Variants in CHID1 observed in about 807,000 individuals in gnomAD.
CHID1 encodes chitinase domain-containing protein 1.
In CHID1, 44 loss-of-function variants were observed where a neutral mutation model predicts 55.4. The ratio of observed to expected loss-of-function variants is 0.79; its 90% CI spans 0.62 to 1.02. The LOEUF (loss-of-function observed/expected upper bound fraction) is 1.02, where lower values mean the gene tolerates loss of function less well. Ranked by LOEUF, CHID1 falls within the 50% of genes least tolerant of loss-of-function variation. CHID1 has a pLI of 0.00. For missense variants in CHID1, 491 were observed against 515.3 expected (o/e 0.95, Z 0.46); for synonymous variants, 216 against 212.9 (o/e 1.01, Z -0.13).
chr11:886,668 G>A (rs534163270), intron 8 of CHID1, among the ~76,000 whole-genome samples: 1 of 152,352 alleles, frequency 6.6e-6, no homozygotes, highest in East Asian at 1.9e-4. Context: ...GCAAAAAGGT[G>A]CCGACTGCAC....
At chr11:870,296 C>G in intron 11 of CHID1, 123 bp downstream of exon 11, 1 of 1,386,034 alleles carries the variant, frequency 7.2e-7, no homozygotes, top group Non-Finnish European at 1.0e-6. Flanking sequence ...GCTCCAGGGC[C>G]GGGAGCAGCA....
rs574373739 is a variant in CHID1 at position 884,233 on chromosome 11, C to T, written c.702-64G>A. 175 of 1,340,594 alleles carry T rather than the reference C, an allele frequency of 1.3e-4. 2 individuals carry two copies. In the South Asian group the frequency reaches 1.3e-3, roughly 10 times the overall value. The allele number at this position is 1,340,594 out of a possible 1,614,324, so 83.0% of individuals were successfully genotyped here. A position where few individuals can be genotyped will look rare whatever the true frequency, so the allele number is the denominator to read the frequency against. ...CCTGCCTGAAGCCCCTCCCCAGCTG[C>T]GGTTCGAGCAAGCTGCCTGTAGGGG... On this transcript the variant is annotated intron_variant, in intron 8 of 12. Transcript: ENST00000323578.
At position 910,783 on chromosome 11, in the gene CHID1, C is replaced by T. The variant is rs1183364683; in HGVS notation, c.-52G>A. 8.9e-6 allele frequency: 10 copies of T among 1,127,384 alleles called. No homozygotes were observed. The highest frequency in any genetic ancestry group is 1.8e-5 in the South Asian group (1 of 57,080). 69.8% of individuals were successfully genotyped at this position (1,127,384 alleles called of 1,614,324 possible). A position where few individuals can be genotyped will look rare whatever the true frequency, so the allele number is the denominator to read the frequency against. On this transcript the variant is annotated 5_prime_UTR_variant, in exon 1 of 13. Coordinates refer to ENST00000323578, the MANE Select transcript of CHID1 (RefSeq NM_023947.4). ...GCCGCCGCGGGGCTCACCTGCATGT[C>T]AGGGAGGCCGGACGGCCACAAACGC...
At position 905,331 on chromosome 11, in the gene CHID1, G is replaced by A. The variant is rs528420305; in HGVS notation, c.-43-472C>T. On this transcript the variant is annotated intron_variant, in intron 1 of 12. Transcript: ENST00000323578. ...AGGTGGGAAGATTACTTGAGCTCAG[G>A]AGTTCGAGACCAGCCTGAGCAACAT... is the stretch of plus-strand genomic sequence containing the variant. Among the ~76,000 whole-genome samples the A allele has an allele frequency of 2.0e-5, 3 of 152,346 alleles. No individual in the cohort carries two copies. The East Asian group carries it at 5.8e-4, about 29-fold the overall frequency.
intron 7 of CHID1, 146 bp downstream of exon 7, chr11:899,194 G>A: frequency 1.4e-6 from 1 of 732,220 alleles, no homozygotes; most frequent in East Asian, 2.7e-5. Flanking sequence ...CTGAGCAGGT[G>A]TCCATCTTTT....
At chr11:890,524 G>T (rs548310350) in intron 8 of CHID1, among the ~76,000 whole-genome samples, 1 of 152,358 alleles carries the variant, frequency 6.6e-6, no homozygotes, top group Non-Finnish European at 1.5e-5. Context: ...GGCCCAGGAA[G>T]GAAACCAGCC....
chr11:876,680 G>A (rs926223853), intron 10 of CHID1, among the ~76,000 whole-genome samples: 2 of 152,222 alleles, frequency 1.3e-5, no homozygotes, highest in Non-Finnish European at 2.9e-5. Flanking sequence ...AGGAGCCATG[G>A]CTGTGCAGCG....
chr11:900,575 T>A (rs1383949706), intron 5 of CHID1, among the ~76,000 whole-genome samples: 1 of 152,122 alleles, frequency 6.6e-6, no homozygotes, highest in African/African-American at 2.4e-5. Flanking sequence ...GGGGCACAGA[T>A]GGGCCAGGGT....
At chr11:906,544 CATG>C (rs1159264622) in intron 1 of CHID1, among the ~76,000 whole-genome samples, 3 of 152,076 alleles carry the variant, frequency 2.0e-5, no homozygotes, top group Admixed American at 6.6e-5. Flanking sequence ...ACGTTGAAAA[CATG>C]AGGATGTTCA....
At chr11:901,698 A>G (rs958409680) in intron 4 of CHID1, among the ~76,000 whole-genome samples, 41 of 152,216 alleles carry the variant, frequency 2.7e-4, no homozygotes, top group African/African-American at 9.9e-4. Context: ...CCGGAAGTGC[A>G]AGGGAAGGCC....
chr11:906,660 C>T (rs1444901955), intron 1 of CHID1, among the ~76,000 whole-genome samples: 2 of 152,164 alleles, frequency 1.3e-5, no homozygotes, highest in African/African-American at 4.8e-5. Flanking sequence ...ACAGTTCAGT[C>T]CCACAGAGAA....
At chr11:878,184 C>T (rs1233572483) in intron 10 of CHID1, among the ~76,000 whole-genome samples, 2 of 152,174 alleles carry the variant, frequency 1.3e-5, no homozygotes, top group Non-Finnish European at 2.9e-5. Flanking sequence ...GAAGCCGAGC[C>T]GGGTGGATCA....
intron 7 of CHID1, among the ~76,000 whole-genome samples, chr11:898,421 T>C (rs1851543198): frequency 6.6e-6 from 1 of 152,180 alleles, no homozygotes; most frequent in Non-Finnish European, 1.5e-5. Flanking sequence ...ACAGCTGCCA[T>C]AGGGCTCTGC....
chr11:901,843 C>G (rs540535780), intron 4 of CHID1, among the ~76,000 whole-genome samples: 1 of 152,326 alleles, frequency 6.6e-6, no homozygotes, highest in African/African-American at 2.4e-5. Context: ...TCCACACTCA[C>G]CTTCCCACTT....
intron 8 of CHID1, among the ~76,000 whole-genome samples, chr11:890,832 G>C (rs1319657497): frequency 1.3e-5 from 2 of 152,182 alleles, no homozygotes; most frequent in African/African-American, 4.8e-5. Context: ...TGGCAGCTGA[G>C]TTAGGGCTGC....
intron 10 of CHID1, among the ~76,000 whole-genome samples, chr11:876,929 TC>T (rs1252875721): frequency 6.6e-6 from 1 of 152,064 alleles, no homozygotes; most frequent in Non-Finnish European, 1.5e-5. Flanking sequence ...TATGGCCTGC[TC>T]CCCTCCAGTG....
At chr11:883,613 C>G (rs1850166149) in intron 9 of CHID1, among the ~76,000 whole-genome samples, 1 of 152,170 alleles carries the variant, frequency 6.6e-6, no homozygotes, top group Non-Finnish European at 1.5e-5. Flanking sequence ...GGACAACACA[C>G]CCAGGGCCAG....
chr11:906,317 C>T lies in CHID1; in HGVS notation c.-43-1458G>A, dbSNP rs560282340. On this transcript the variant is annotated intron_variant, in intron 1 of 12. Transcript: ENST00000323578. ...GCTGTGGCGCCATCTTGGCTCACTG[C>T]AACCTCCACCTCCTGGGTTCAAGCG... Among the ~76,000 whole-genome samples the T allele has an allele frequency of 4.0e-5, 6 of 151,342 alleles. No homozygotes were observed. In the South Asian group the frequency reaches 1.0e-3, roughly 26 times the overall value.
At chr11:908,583 C>T in intron 1 of CHID1, 8 of 985,510 alleles carry the variant, frequency 8.1e-6, no homozygotes, top group Non-Finnish European at 9.6e-6. Context: ...TCCCAGGCAC[C>T]CAGTCTTTGA....
Sources: allele counts gnomAD v4.1 joint callset (sites outside exome capture counted in the v4.1 genomes callset), GRCh38; gene constraint gnomAD v4.1.1; transcripts MANE v1.5; gene names NCBI Gene and HGNC (gene_info 2026-07-23, HGNC 2026-07-21).